SGMS1: variants seen among roughly 807,000 people sequenced by gnomAD.
The protein encoded by SGMS1 is sphingomyelin synthase 1.
In SGMS1, 13 loss-of-function variants were observed where a neutral mutation model predicts 46.2. That is an observed-to-expected ratio of 0.28 (90% confidence interval 0.18 to 0.45). The LOEUF (loss-of-function observed/expected upper bound fraction) is 0.45, where lower values mean the gene tolerates loss of function less well. Ranked by LOEUF, SGMS1 falls within the 20% of genes least tolerant of loss-of-function variation. SGMS1 has a pLI of 1.00. For synonymous variants in SGMS1, 203 were observed against 187.8 expected, an observed-to-expected ratio of 1.08 and a Z score of -0.66; for missense variants, 324 against 519.9, an observed-to-expected ratio of 0.62 and a Z score of 3.66.
intron 1 of SGMS1, among the ~76,000 whole-genome samples, chr10:50,617,533 T>C (rs555726513): frequency 5.3e-5 from 8 of 152,294 alleles, no homozygotes; most frequent in African/African-American, 1.9e-4. Context: ...GCTGTACACT[T>C]TGAATGGATT....
chr10:50,394,639 T>TA (rs1848819887), intron 6 of SGMS1, among the ~76,000 whole-genome samples: 1 of 152,226 alleles, frequency 6.6e-6, no homozygotes, highest in South Asian at 2.1e-4. Context: ...ATGAAATAAA[T>TA]ATGCAATAGC....
At chr10:50,588,509 G>A (rs1011825451) in intron 2 of SGMS1, among the ~76,000 whole-genome samples, 8 of 152,168 alleles carry the variant, frequency 5.3e-5, no homozygotes, top group African/African-American at 1.4e-4. Context: ...AGCTGAACAT[G>A]TCTTTGAGAT....
chr10:50,368,071 G>T (rs868138662), intron 6 of SGMS1, among the ~76,000 whole-genome samples: 1 of 152,218 alleles, frequency 6.6e-6, no homozygotes, highest in Non-Finnish European at 1.5e-5. Context: ...TAATGGAATT[G>T]CAAGAACTAG....
chr10:50,527,250 C>A (rs1366264942), intron 2 of SGMS1, among the ~76,000 whole-genome samples: 1 of 152,102 alleles, frequency 6.6e-6, no homozygotes, highest in East Asian at 1.9e-4. Context: ...CAGCCCATAG[C>A]ATTGCTCAAA....
chr10:50,395,569 A>G (rs1848837920), intron 6 of SGMS1, among the ~76,000 whole-genome samples: 2 of 152,214 alleles, frequency 1.3e-5, no homozygotes, highest in African/African-American at 4.8e-5. Flanking sequence ...TTGAGTAATC[A>G]ATGAAACTGG....
chr10:50,466,963 A>C (rs1027585573), intron 3 of SGMS1, 31 bp from the exon 4 acceptor site: 10 of 152,214 alleles, frequency 6.6e-5, no homozygotes, highest in Non-Finnish European at 1.3e-4. Context: ...ATTAAAGTGC[A>C]TTCTTTGTGC....
At chr10:50,314,583 A>G (rs921807122) in intron 8 of SGMS1, among the ~76,000 whole-genome samples, 3 of 152,222 alleles carry the variant, frequency 2.0e-5, no homozygotes, top group East Asian at 1.9e-4. Context: ...CCTCAAAGAA[A>G]TAATACCAAA....
intron 6 of SGMS1, among the ~76,000 whole-genome samples, chr10:50,385,439 T>G (rs1848668266): frequency 6.6e-6 from 1 of 152,220 alleles, no homozygotes. Context: ...TCCCTAGTCC[T>G]CTTTCCTTCA....
intron 1 of SGMS1, among the ~76,000 whole-genome samples, chr10:50,622,194 C>T (rs1032413451): frequency 8.5e-5 from 13 of 152,244 alleles, no homozygotes; most frequent in Admixed American, 3.3e-4. Flanking sequence ...CCTTGGAGCA[C>T]TGACCAGACA....
At chr10:50,593,192 G>C (rs1337565442) in intron 1 of SGMS1, among the ~76,000 whole-genome samples, 1 of 152,232 alleles carries the variant, frequency 6.6e-6, no homozygotes. Context: ...CCTGGCAACA[G>C]CTATGTGAGT....
chr10:50,335,197 G>A (rs1409668109), intron 7 of SGMS1: 5 of 152,286 alleles, frequency 3.3e-5, no homozygotes, highest in Admixed American at 3.3e-4. Context: ...AAGGTCAGAG[G>A]ATCACTTGAG....
chr10:50,352,882 A>T (rs895367028), intron 6 of SGMS1, among the ~76,000 whole-genome samples: 1 of 152,236 alleles, frequency 6.6e-6, no homozygotes, highest in African/African-American at 2.4e-5. Flanking sequence ...CCCAAGACTA[A>T]ACCAGGAAGA....
intron 3 of SGMS1, among the ~76,000 whole-genome samples, chr10:50,491,833 C>A (rs1837570369): frequency 6.6e-6 from 1 of 152,148 alleles, no homozygotes; most frequent in East Asian, 1.9e-4. Flanking sequence ...CCAGCATCAT[C>A]CTGATACCAA....
chr10:50,341,179 A>G (rs1257725412), intron 7 of SGMS1: 1 of 345,854 alleles, frequency 2.9e-6, no homozygotes, highest in Non-Finnish European at 5.7e-6. Context: ...AAATAACTAG[A>G]AACAAAGGGT....
chr10:50,602,558 A>G (rs894636949), intron 1 of SGMS1, among the ~76,000 whole-genome samples: 3 of 152,200 alleles, frequency 2.0e-5, no homozygotes, highest in African/African-American at 7.2e-5. Flanking sequence ...TGCCTACTAA[A>G]CACTTATCAG....
chr10:50,355,610 T>A (rs1181940082), intron 6 of SGMS1, among the ~76,000 whole-genome samples: 1 of 152,124 alleles, frequency 6.6e-6, no homozygotes, highest in Non-Finnish European at 1.5e-5. Context: ...AGTGGCGTGA[T>A]CTCGGCTCGC....
At chr10:50,348,291 T>A (rs1160141592) in intron 6 of SGMS1, among the ~76,000 whole-genome samples, 2 of 152,066 alleles carry the variant, frequency 1.3e-5, no homozygotes, top group African/African-American at 4.8e-5. Flanking sequence ...CTATTCAACA[T>A]AGTATTGGAG....
At chr10:50,317,559 C>T (rs1405923828) in intron 8 of SGMS1, among the ~76,000 whole-genome samples, 2 of 152,168 alleles carry the variant, frequency 1.3e-5, no homozygotes. Context: ...AAAACACCTG[C>T]TATTGTTGCA....
chr10:50,412,301 C>T (rs906388005), intron 6 of SGMS1, among the ~76,000 whole-genome samples: 2 of 152,170 alleles, frequency 1.3e-5, no homozygotes, highest in African/African-American at 4.8e-5. Flanking sequence ...ACTGAAAAAG[C>T]GCCTCTTCCT....
Sources: allele counts gnomAD v4.1 joint callset (sites outside exome capture counted in the v4.1 genomes callset), GRCh38; gene constraint gnomAD v4.1.1; transcripts MANE v1.5; gene names NCBI Gene and HGNC (gene_info 2026-07-23, HGNC 2026-07-21).